The following RAB8B variants were observed in gnomAD, a reference collection of about 807,000 sequenced individuals.
RAB8B encodes RAB8B, member RAS oncogene family.
A neutral mutation model predicts 32.0 loss-of-function variants in RAB8B; 11 were observed. The ratio of observed to expected loss-of-function variants is 0.34; its 90% CI spans 0.22 to 0.57. RAB8B has a LOEUF of 0.57. Ranked by LOEUF, RAB8B falls within the 20% of genes least tolerant of loss-of-function variation. The pLI is 0.86. For missense variants in RAB8B, 190 were observed against 258.5 expected (o/e 0.73, Z 1.82); for synonymous variants, 103 against 89.6 (o/e 1.15, Z -0.85).
intron 1 of RAB8B, among the ~76,000 whole-genome samples, chr15:63,193,913 A>G (rs986087832): frequency 3.9e-5 from 6 of 152,202 alleles, no homozygotes; most frequent in African/African-American, 1.4e-4. Flanking sequence ...TATAGATTAT[A>G]TTTCCTCTGG....
intron 1 of RAB8B, among the ~76,000 whole-genome samples, chr15:63,215,912 C>T (rs2037787678): frequency 1.3e-5 from 2 of 151,896 alleles, no homozygotes; most frequent in South Asian, 4.1e-4. Flanking sequence ...GTGACATGCA[C>T]CTGTGGTCCC....
chr15:63,228,566 C>T (rs192379510), intron 1 of RAB8B, among the ~76,000 whole-genome samples: 7 of 152,320 alleles, frequency 4.6e-5, no homozygotes, highest in African/African-American at 1.7e-4. Flanking sequence ...CTTTGTTTCC[C>T]ACATGCTGTC....
chr15:63,193,088 G>A (rs1362901739), intron 1 of RAB8B, among the ~76,000 whole-genome samples: 1 of 152,048 alleles, frequency 6.6e-6, no homozygotes, highest in Admixed American at 6.5e-5. Context: ...TTAGCCAGGT[G>A]GAGTGGTGCA....
intron 3 of RAB8B, among the ~76,000 whole-genome samples, chr15:63,250,008 C>T (rs1462302259): frequency 6.6e-6 from 1 of 152,034 alleles, no homozygotes; most frequent in Non-Finnish European, 1.5e-5. Flanking sequence ...CGGTGGTGGG[C>T]GCCTGTAGTC....
chr15:63,232,792 C>A (rs141688482), intron 1 of RAB8B, among the ~76,000 whole-genome samples: 1 of 152,036 alleles, frequency 6.6e-6, no homozygotes, highest in African/African-American at 2.4e-5. Context: ...CTAAAATAAA[C>A]GTATTTGGCT....
intron 3 of RAB8B, among the ~76,000 whole-genome samples, chr15:63,249,908 G>A (rs1398328584): frequency 2.6e-5 from 4 of 151,536 alleles, no homozygotes; most frequent in Admixed American, 6.6e-5. Flanking sequence ...AGGCCGAGGC[G>A]GGTGGATCAT....
intron 1 of RAB8B, among the ~76,000 whole-genome samples, chr15:63,198,293 A>T (rs1179429508): frequency 6.6e-6 from 1 of 152,108 alleles, no homozygotes; most frequent in Non-Finnish European, 1.5e-5. Flanking sequence ...CATTAGTTTA[A>T]CTAGGCACTT....
At chr15:63,233,532 A>G (rs2037953157) in intron 1 of RAB8B, among the ~76,000 whole-genome samples, 1 of 152,238 alleles carries the variant, frequency 6.6e-6, no homozygotes, top group Non-Finnish European at 1.5e-5. Flanking sequence ...AGCTACTCTA[A>G]AATTTCATTA....
chr15:63,246,891 C>A (rs2038076692), intron 2 of RAB8B, among the ~76,000 whole-genome samples: 1 of 152,200 alleles, frequency 6.6e-6, no homozygotes, highest in Non-Finnish European at 1.5e-5. Context: ...AGAACTTAAA[C>A]ACTTTGTTGG....
intron 1 of RAB8B, among the ~76,000 whole-genome samples, chr15:63,208,142 G>A (rs994950258): frequency 6.6e-6 from 1 of 151,950 alleles, no homozygotes; most frequent in South Asian, 2.1e-4. Flanking sequence ...ATACATCATC[G>A]TTGGCCTATC....
At chr15:63,246,598 C>T (rs756139587) in intron 2 of RAB8B, among the ~76,000 whole-genome samples, 3 of 152,214 alleles carry the variant, frequency 2.0e-5, no homozygotes, top group Non-Finnish European at 4.4e-5. Context: ...GTCATCTACT[C>T]TCCAAGAACA....
chr15:63,221,412 T>C (rs1245761219), intron 1 of RAB8B, among the ~76,000 whole-genome samples: 1 of 152,196 alleles, frequency 6.6e-6, no homozygotes, highest in Non-Finnish European at 1.5e-5. Context: ...CTAGAAGTAT[T>C]ATAAGCAAAA....
At chr15:63,234,684 C>T (rs1195852959) in intron 1 of RAB8B, among the ~76,000 whole-genome samples, 4 of 152,166 alleles carry the variant, frequency 2.6e-5, no homozygotes, top group African/African-American at 9.7e-5. Flanking sequence ...GAGGTATCTG[C>T]GAGCTCTGAT....
intron 1 of RAB8B, among the ~76,000 whole-genome samples, chr15:63,199,848 T>A (rs2037633219): frequency 6.6e-6 from 1 of 152,198 alleles, no homozygotes; most frequent in East Asian, 1.9e-4. Flanking sequence ...CCCAAAGTGC[T>A]AGGATTACAG....
Position 63,263,691 on chromosome 15 carries a change from A to G in RAB8B, c.*72A>G, listed in dbSNP as rs1339535894. 2 of 1,272,326 alleles carry G rather than the reference A, an allele frequency of 1.6e-6. No homozygotes were observed. Among genetic ancestry groups the G allele is most frequent in the South Asian group, 1.2e-5 (1 of 82,034 alleles). The allele number at this position is 1,272,326 out of a possible 1,614,324, so 78.8% of individuals were successfully genotyped here. On this transcript the variant is annotated 3_prime_UTR_variant, in exon 8 of 8. Coordinates refer to ENST00000321437, the MANE Select transcript of RAB8B (RefSeq NM_016530.3). ...GCTTCTCTGAAAGCACAGGTCACCC[A>G]GCCTCAGAATCACACCTCCCGGCTG...
intron 1 of RAB8B, among the ~76,000 whole-genome samples, chr15:63,239,241 C>T (rs1442012903): frequency 6.6e-6 from 1 of 152,054 alleles, no homozygotes; most frequent in East Asian, 1.9e-4. Context: ...TTCTTTTAAT[C>T]CCTGGAGTAG....
intron 1 of RAB8B, among the ~76,000 whole-genome samples, chr15:63,222,361 A>T (rs892393334): frequency 1.3e-5 from 2 of 152,056 alleles, no homozygotes; most frequent in Non-Finnish European, 2.9e-5. Flanking sequence ...TGCTGTTGTT[A>T]AACCTTTTAC....
Position 63,265,546 on chromosome 15 carries a change from C to T in RAB8B, c.*1927C>T, listed in dbSNP as rs1244167304. The T allele has an allele frequency of 1.3e-5, 2 of 152,414 alleles. No individual in the cohort carries two copies. Among genetic ancestry groups the T allele is most frequent in the African/African-American group, 4.8e-5 (2 of 41,394 alleles). The allele number at this position is 152,414 out of a possible 1,614,324, so 9.4% of individuals were successfully genotyped here. ...GAAACATCTTAATATTCACTATTTC[C>T]TGAAAAAATCCAAGCAGTTAACGCT... On this transcript the variant is annotated 3_prime_UTR_variant, in exon 8 of 8. Coordinates refer to ENST00000321437, the MANE Select transcript of RAB8B (RefSeq NM_016530.3). The surrounding 1 kb of genome is among the most constrained non-coding windows in gnomAD (Gnocchi z 4.9).
At chr15:63,227,860 G>C (rs1268037482) in intron 1 of RAB8B, among the ~76,000 whole-genome samples, 3 of 152,174 alleles carry the variant, frequency 2.0e-5, no homozygotes. Context: ...TTAAAATCCA[G>C]TGAGCACCCT....
Sources: allele counts gnomAD v4.1 joint callset (sites outside exome capture counted in the v4.1 genomes callset), GRCh38; gene constraint gnomAD v4.1.1; non-coding constraint Gnocchi (gnomAD v3.1); transcripts MANE v1.5; gene names NCBI Gene and HGNC (gene_info 2026-07-23, HGNC 2026-07-21).